Variants in FRMD3 observed in about 807,000 individuals in gnomAD.
The protein encoded by FRMD3 is FERM domain-containing protein 3.
FRMD3 carries 33 observed loss-of-function variants against 70.2 expected under a neutral mutation model. The observed-to-expected ratio is 0.47, with a 90% confidence interval of 0.36 to 0.63. The LOEUF (loss-of-function observed/expected upper bound fraction) is 0.63, where lower values mean the gene tolerates loss of function less well. Ranked by LOEUF, FRMD3 falls within the 20% of genes least tolerant of loss-of-function variation. The pLI, the probability that FRMD3 is intolerant of heterozygous loss-of-function variation, is 0.00. For synonymous variants in FRMD3, 279 were observed against 255.9 expected (o/e 1.09, Z -0.86); for missense variants, 632 against 711.4 (o/e 0.89, Z 1.27).
At chr9:83,466,514 T>C (rs889075374) in intron 1 of FRMD3, among the ~76,000 whole-genome samples, 2 of 152,150 alleles carry the variant, frequency 1.3e-5, no homozygotes, top group African/African-American at 4.8e-5. Flanking sequence ...AGTATGTTCA[T>C]CAGGAAAAAT....
At position 83,246,570 on chromosome 9, in the gene FRMD3, A is replaced by G. The variant is rs1724328333; in HGVS notation, c.*1348T>C. On this transcript the variant is annotated 3_prime_UTR_variant, in exon 14 of 14. Transcript: ENST00000304195. ...TCTATGGAAGTCAAATTTTAAAACA[A>G]CTGGGAAAGGAAAGGAGTATAATGA... 1 of 984,986 alleles carries G rather than the reference A, an allele frequency of 1.0e-6. No homozygotes were observed. Among genetic ancestry groups the G allele is most frequent in the South Asian group, 4.7e-5 (1 of 21,262 alleles). The allele number at this position is 984,986 out of a possible 1,614,324, so 61.0% of individuals were successfully genotyped here.
In FRMD3 at chr9:83,309,539, TA is replaced by T; in HGVS notation, c.922del (p.Tyr308IlefsTer62). The T allele has an allele frequency of 1.3e-6, 2 of 1,579,578 alleles. No homozygotes were observed. The highest frequency in any genetic ancestry group is 1.8e-5 in the Admixed American group (1 of 56,404). On this transcript the variant is annotated frameshift_variant, in exon 10 of 14. Transcript: ENST00000304195. LOFTEE classifies it high-confidence loss of function. The stretch of plus-strand genomic sequence containing the variant: ...TAAATGAATAAAAGCCACTTACTTA[TA>T]AAAGGCCTGGTTTTCCACTCCACAC... ...WKCGVENQAF[Y>X]KYAKSSQIKT...
chr9:83,527,670 T>C (rs1173392984), intron 1 of FRMD3, among the ~76,000 whole-genome samples: 1 of 152,122 alleles, frequency 6.6e-6, no homozygotes, highest in Admixed American at 6.5e-5. Flanking sequence ...CGAGTCTGCA[T>C]TTGAACAAGA....
At chr9:83,320,855 A>G (rs754983528) in intron 6 of FRMD3, among the ~76,000 whole-genome samples, 18 of 151,994 alleles carry the variant, frequency 1.2e-4, no homozygotes, top group Non-Finnish European at 2.5e-4. Flanking sequence ...AGATTTTTTT[A>G]TTACTGACTC....
intron 1 of FRMD3, among the ~76,000 whole-genome samples, chr9:83,499,907 A>T (rs1829024352): frequency 6.6e-6 from 1 of 152,222 alleles, no homozygotes; most frequent in Non-Finnish European, 1.5e-5. Context: ...ACAATGGAAT[A>T]TTGTTCAGCA....
chr9:83,372,801 C>G lies in FRMD3; in HGVS notation c.295+112G>C, dbSNP rs373563286. 3.4e-5 allele frequency: 33 copies of G among 970,206 alleles called. No individual in the cohort carries two copies. The South Asian group carries it at 4.5e-4, about 13-fold the overall frequency. The allele number at this position is 970,206 out of a possible 1,614,324, so 60.1% of individuals were successfully genotyped here. The stretch of plus-strand genomic sequence containing the variant: ...CTGGGGAGAGAGAAGCCCCCACACC[C>G]CCCAACACCTCTTCAACTCTATTAT... On this transcript the variant is annotated intron_variant, in intron 3 of 13. Coordinates refer to ENST00000304195, the MANE Select transcript of FRMD3 (RefSeq NM_174938.6).
At chr9:83,282,402 C>CCGCCA (rs1353009376) in intron 13 of FRMD3, among the ~76,000 whole-genome samples, 1 of 152,150 alleles carries the variant, frequency 6.6e-6, no homozygotes. Context: ...GGTGCTGGGC[C>CCGCCA]CGCCACAGGC....
the FRMD3 span, among the ~76,000 whole-genome samples, chr9:83,544,588 G>T: frequency 6.6e-6 from 1 of 152,132 alleles, no homozygotes; most frequent in African/African-American, 2.4e-5. Context: ...GCCACCTACT[G>T]GTCTGGAAGT....
chr9:83,524,371 A>G (rs746528230), intron 1 of FRMD3, among the ~76,000 whole-genome samples: 10 of 152,230 alleles, frequency 6.6e-5, no homozygotes, highest in Admixed American at 3.9e-4. Flanking sequence ...CAAAATACTC[A>G]TATAACCATG....
intron 1 of FRMD3, among the ~76,000 whole-genome samples, chr9:83,500,500 GCGCACACA>G (rs1038842494): frequency 3.5e-4 from 48 of 136,628 alleles, no homozygotes; most frequent in Non-Finnish European, 3.0e-4. Context: ...GCGTGTATGC[GCGCACACA>G]CACACACACA....
At chr9:83,377,594 G>T (rs1442924489) in intron 2 of FRMD3, among the ~76,000 whole-genome samples, 1 of 151,968 alleles carries the variant, frequency 6.6e-6, no homozygotes, top group Non-Finnish European at 1.5e-5. Flanking sequence ...TGCAAGATCT[G>T]GTCATGTAAA....
At chr9:83,312,330 A>G (rs1835393240) in intron 7 of FRMD3, among the ~76,000 whole-genome samples, 1 of 152,206 alleles carries the variant, frequency 6.6e-6, no homozygotes, top group Non-Finnish European at 1.5e-5. Context: ...CTTGCTTGCC[A>G]TTAGCACTCT....
At chr9:83,314,642 C>G (rs1564010735) in intron 6 of FRMD3, among the ~76,000 whole-genome samples, 3 of 151,778 alleles carry the variant, frequency 2.0e-5, no homozygotes, top group African/African-American at 4.8e-5. Context: ...CTACTTTATT[C>G]CTAGAGCCCT....
intron 1 of FRMD3, among the ~76,000 whole-genome samples, chr9:83,432,980 A>G (rs1436097849): frequency 6.6e-6 from 1 of 152,184 alleles, no homozygotes; most frequent in African/African-American, 2.4e-5. Flanking sequence ...ATAAGTGAGA[A>G]CTAGGTTTTT....
At chr9:83,280,751 A>C (rs1833951675) in intron 13 of FRMD3, among the ~76,000 whole-genome samples, 1 of 152,216 alleles carries the variant, frequency 6.6e-6, no homozygotes, top group Non-Finnish European at 1.5e-5. Context: ...ACATTATAAA[A>C]CCTATACAAC....
chr9:83,429,912 G>A (rs1826922374), intron 1 of FRMD3, among the ~76,000 whole-genome samples: 1 of 152,034 alleles, frequency 6.6e-6, no homozygotes, highest in South Asian at 2.1e-4. Flanking sequence ...TCACGCATAA[G>A]TCAGCAGGTC....
chr9:83,488,616 T>C (rs571152815), intron 1 of FRMD3, among the ~76,000 whole-genome samples: 2 of 152,318 alleles, frequency 1.3e-5, no homozygotes, highest in South Asian at 4.1e-4. Flanking sequence ...CTCCTCACTT[T>C]ATTTCACACT....
At chr9:83,369,298 G>A (rs892437341) in intron 3 of FRMD3, among the ~76,000 whole-genome samples, 2 of 152,078 alleles carry the variant, frequency 1.3e-5, no homozygotes, top group Non-Finnish European at 2.9e-5. Context: ...ATTATAGGCC[G>A]GGCACAGTGG....
Position 83,247,361 on chromosome 9 carries a change from A to C in FRMD3, c.*557T>G, listed in dbSNP as rs748515350. On this transcript the variant is annotated 3_prime_UTR_variant, in exon 14 of 14. Transcript: ENST00000304195. The stretch of plus-strand genomic sequence containing the variant: ...TGTGCATTAGTCTTACAATCTGTAC[A>C]TGTAAATAACTCCAGGAGGCTTCTT... The C allele has an allele frequency of 3.6e-5, 35 of 980,158 alleles. No individual in the cohort carries two copies. Among genetic ancestry groups the C allele is most frequent in the Middle Eastern group, 1.1e-3 (2 of 1,900 alleles). 60.7% of individuals were successfully genotyped at this position (980,158 alleles called of 1,614,324 possible).
Sources: allele counts gnomAD v4.1 joint callset (sites outside exome capture counted in the v4.1 genomes callset), GRCh38; gene constraint gnomAD v4.1.1; transcripts MANE v1.5; gene names NCBI Gene and HGNC (gene_info 2026-07-23, HGNC 2026-07-21).